The following ASAP1 variants were observed in gnomAD, a reference collection of about 807,000 sequenced individuals.
ASAP1 encodes the protein arf-GAP with SH3 domain, ANK repeat and PH domain-containing protein 1.
In ASAP1, 43 loss-of-function variants were observed where a neutral mutation model predicts 145.2. The observed-to-expected ratio is 0.30, with a 90% confidence interval of 0.23 to 0.38. The LOEUF (loss-of-function observed/expected upper bound fraction) is 0.38. ASAP1 is among the 10% of genes least tolerant of loss of function. The pLI, the probability that ASAP1 is intolerant of heterozygous loss-of-function variation, is 1.00. For synonymous variants in ASAP1, 546 were observed against 515.5 expected (o/e 1.06, Z -0.80); for missense variants, 1,018 against 1,355.3 (o/e 0.75, Z 3.91).
intron 25 of ASAP1, among the ~76,000 whole-genome samples, chr8:130,088,672 A>G (rs1216124149): frequency 6.6e-6 from 1 of 152,162 alleles, no homozygotes; most frequent in African/African-American, 2.4e-5. Context: ...GTCATTTTAC[A>G]ACATCCAGTT....
intron 18 of ASAP1, among the ~76,000 whole-genome samples, chr8:130,119,677 T>G (rs2135668820): frequency 6.6e-6 from 1 of 152,284 alleles, no homozygotes; most frequent in Admixed American, 6.5e-5. Context: ...AATCCACCCC[T>G]TGAATTTCCC....
chr8:130,364,096 C>T (rs527382428), intron 2 of ASAP1, among the ~76,000 whole-genome samples: 1 of 152,220 alleles, frequency 6.6e-6, no homozygotes, highest in African/African-American at 2.4e-5. Context: ...CCCAAATGTA[C>T]TTAATTCAAT....
In ASAP1 at chr8:130,256,544, T is replaced by C. The variant is rs772168941; in HGVS notation, c.187-19550A>G. Among the ~76,000 whole-genome samples, 57 of 151,856 alleles carry C rather than the reference T, an allele frequency of 3.8e-4. 1 individual carries two copies. The highest frequency in any genetic ancestry group is 3.2e-3 in the Middle Eastern group (1 of 316). On this transcript the variant is annotated intron_variant, in intron 3 of 29. Transcript: ENST00000518721. The stretch of plus-strand genomic sequence containing the variant: ...ACCTCAATCCCACTTATTAGGTGGC[T>C]AGATACAAAATATTTTAAAACACGA...
intron 27 of ASAP1, among the ~76,000 whole-genome samples, chr8:130,072,824 T>TGTGTGTGCGCGCGCGCGCGCGCGC: frequency 2.5e-4 from 8 of 32,276 alleles, no homozygotes; most frequent in African/African-American, 1.2e-4. Context: ...TGTGTGTGTG[T>TGTGTGTGCGCGCGCGCGCGCGCGC]GCGCGCGGGG....
At chr8:130,389,368 GA>G (rs1176260519) in intron 2 of ASAP1, among the ~76,000 whole-genome samples, 3 of 152,104 alleles carry the variant, frequency 2.0e-5, no homozygotes, top group Admixed American at 6.5e-5. Context: ...CAGGACAAGG[GA>G]AAAAATGGCT....
intron 5 of ASAP1, among the ~76,000 whole-genome samples, chr8:130,194,645 GA>G (rs1815360778): frequency 6.6e-6 from 1 of 151,908 alleles, no homozygotes; most frequent in African/African-American, 2.4e-5. Flanking sequence ...TTTTCAGGAT[GA>G]AACTCTTCCA....
At chr8:130,257,682 C>T (rs1158451012) in intron 3 of ASAP1, among the ~76,000 whole-genome samples, 6 of 151,974 alleles carry the variant, frequency 3.9e-5, no homozygotes, top group East Asian at 1.9e-4. Context: ...TATCTCCTTT[C>T]GAAAATTCAA....
At chr8:130,067,015 T>C (rs755629186) in intron 27 of ASAP1, among the ~76,000 whole-genome samples, 3 of 152,198 alleles carry the variant, frequency 2.0e-5, no homozygotes, top group Non-Finnish European at 4.4e-5. Flanking sequence ...CTGACTCCCA[T>C]CCTTTTGCCT....
At chr8:130,066,965 G>A (rs952405887) in intron 27 of ASAP1, among the ~76,000 whole-genome samples, 5 of 152,128 alleles carry the variant, frequency 3.3e-5, no homozygotes, top group African/African-American at 1.2e-4. Flanking sequence ...TTATTGAGTT[G>A]GCCTGGCTCA....
Position 130,079,975 on chromosome 8 carries a change from C to T in ASAP1, c.2573-4G>A. ...GAGGATGGACCCCCATCGTTACCTA[C>T]AAGGAAAACCGAAGGTGAAAAGGTA... On this transcript the variant is annotated splice_region_variant and splice_polypyrimidine_tract_variant and intron_variant, in intron 25 of 29. Coordinates refer to ENST00000518721, the MANE Select transcript of ASAP1 (RefSeq NM_018482.4). The T allele has an allele frequency of 3.1e-6, 5 of 1,613,520 alleles. No homozygotes were observed. The highest frequency in any genetic ancestry group is 2.2e-5 in the South Asian group (2 of 91,056).
chr8:130,206,739 T>C (rs369931326), intron 5 of ASAP1, among the ~76,000 whole-genome samples: 2 of 151,934 alleles, frequency 1.3e-5, no homozygotes, highest in Non-Finnish European at 3.0e-5. Context: ...TCTAAAACCA[T>C]TGCTGCCTTG....
chr8:130,206,700 A>G (rs1174945448), intron 5 of ASAP1, among the ~76,000 whole-genome samples: 1 of 152,222 alleles, frequency 6.6e-6, no homozygotes, highest in Admixed American at 6.5e-5. Flanking sequence ...GGTGACTCCC[A>G]CTATTTAAAA....
chr8:130,334,526 TAC>T (rs1824911005), intron 3 of ASAP1, among the ~76,000 whole-genome samples: 1 of 152,200 alleles, frequency 6.6e-6, no homozygotes, highest in Non-Finnish European at 1.5e-5. Context: ...ATGAAACAAA[TAC>T]AGTTATCTTC....
chr8:130,078,897 T>A (rs1431255302), intron 26 of ASAP1, among the ~76,000 whole-genome samples: 2 of 151,792 alleles, frequency 1.3e-5, no homozygotes, highest in Non-Finnish European at 2.9e-5. Context: ...CATAAGATAG[T>A]GGTATTAAAA....
intron 4 of ASAP1, among the ~76,000 whole-genome samples, chr8:130,225,464 T>C (rs1365134086): frequency 6.6e-6 from 1 of 152,228 alleles, no homozygotes; most frequent in African/African-American, 2.4e-5. Context: ...TTCACTTCAA[T>C]ATTTAAATAC....
intron 27 of ASAP1, among the ~76,000 whole-genome samples, chr8:130,070,974 G>A (rs1201664701): frequency 4.7e-5 from 1 of 21,378 alleles, no homozygotes; most frequent in African/African-American, 3.0e-4. Context: ...GGAGAGAGAG[G>A]GGGAGGGGGG....
chr8:130,095,376 C>A (rs1454073737), intron 24 of ASAP1, among the ~76,000 whole-genome samples: 1 of 148,812 alleles, frequency 6.7e-6, no homozygotes, highest in Admixed American at 6.7e-5. Flanking sequence ...TCTTGGCTCA[C>A]CGTGACCTCC....
In ASAP1 at chr8:130,194,074, G is replaced by T. The variant is rs551723769; in HGVS notation, c.406-5891C>A. Among the ~76,000 whole-genome samples, 5 of 152,220 alleles carry T rather than the reference G, an allele frequency of 3.3e-5. No individual in the cohort carries two copies. In the East Asian group the frequency reaches 9.6e-4, roughly 29 times the overall value. Reference sequence around the variant, plus strand: ...CCCAAGAATTAAGAATTTCTCCGTGGTTATCTACACACATTCTTGAGGGCT... The same window carrying T: ...CCCAAGAATTAAGAATTTCTCCGTGTTTATCTACACACATTCTTGAGGGCT... On this transcript the variant is annotated intron_variant, in intron 5 of 29. Transcript: ENST00000518721.
intron 24 of ASAP1, among the ~76,000 whole-genome samples, chr8:130,101,694 A>C (rs1592801883): frequency 7.0e-6 from 1 of 143,774 alleles, no homozygotes; most frequent in East Asian, 2.0e-4. Flanking sequence ...CCTCCCTACT[A>C]GCTGGGGACT....
Sources: gnomAD v4.1 joint callset for allele counts (sites outside exome capture counted in the v4.1 genomes callset) on GRCh38, gnomAD v4.1.1 for gene constraint, MANE v1.5 for transcripts, NCBI Gene and HGNC (gene_info 2026-07-23, HGNC 2026-07-21) for gene names.